The following ZEB1 variants were observed in gnomAD, a reference collection of about 807,000 sequenced individuals.
ZEB1 encodes the protein zinc finger E-box-binding homeobox 1.
ZEB1 carries 21 observed loss-of-function variants against 84.9 expected under a neutral mutation model. That is an observed-to-expected ratio of 0.25 (90% CI 0.18 to 0.36). ZEB1 has a LOEUF of 0.36. Ranked by LOEUF, ZEB1 falls within the 10% of genes least tolerant of loss-of-function variation. The pLI, the probability that ZEB1 is intolerant of heterozygous loss-of-function variation, is 1.00. For synonymous variants in ZEB1, 420 were observed against 471.1 expected (o/e 0.89, Z 1.41); for missense variants, 1,104 against 1,330.2 (o/e 0.83, Z 2.65).
chr10:31,373,356 A>T (rs551874753), intron 1 of ZEB1, among the ~76,000 whole-genome samples: 99 of 152,076 alleles, frequency 6.5e-4, no homozygotes, highest in African/African-American at 2.1e-3. Context: ...TTTATAGATA[A>T]GAGATTTTAC....
chr10:31,416,668 A>C (rs1467884538), intron 1 of ZEB1, among the ~76,000 whole-genome samples: 1 of 152,148 alleles, frequency 6.6e-6, no homozygotes. Context: ...ATTACAATGT[A>C]CCTAAGTCCT....
intron 4 of ZEB1, among the ~76,000 whole-genome samples, chr10:31,507,967 A>G (rs2069267957): frequency 6.6e-6 from 1 of 151,438 alleles, no homozygotes; most frequent in Non-Finnish European, 1.5e-5. Flanking sequence ...GGTTTTTTGG[A>G]TTTGCTTTCA....
At chr10:31,519,787 A>G (rs2071913704) in intron 6 of ZEB1, among the ~76,000 whole-genome samples, 1 of 152,182 alleles carries the variant, frequency 6.6e-6, no homozygotes, top group Non-Finnish European at 1.5e-5. Flanking sequence ...GGTCGGTGAA[A>G]TGGGATAAGA....
chr10:31,327,319 C>T (rs757723545), intron 1 of ZEB1, among the ~76,000 whole-genome samples: 1 of 151,982 alleles, frequency 6.6e-6, no homozygotes, highest in Non-Finnish European at 1.5e-5. Context: ...CCATGTTAGC[C>T]AGGCTGGTCT....
chr10:31,511,339 C>T (rs1221773755), intron 5 of ZEB1, among the ~76,000 whole-genome samples: 1 of 151,904 alleles, frequency 6.6e-6, no homozygotes, highest in Non-Finnish European at 1.5e-5. Flanking sequence ...GGTTTTTTTC[C>T]CCCGTAGTAA....
chr10:31,525,770 C>T (rs577844708), intron 8 of ZEB1, among the ~76,000 whole-genome samples: 1 of 152,308 alleles, frequency 6.6e-6, no homozygotes, highest in East Asian at 1.9e-4. Flanking sequence ...AAACTGGTTA[C>T]ATAAGAGAAA....
upstream of ZEB1, chr10:31,319,138 G>C (rs773657887): frequency 2.4e-6 from 2 of 821,606 alleles, no homozygotes; most frequent in East Asian, 2.9e-5. Context: ...AACCAGGTGC[G>C]GTGGGGAGGG....
chr10:31,444,667 G>C (rs1403676983), intron 1 of ZEB1, among the ~76,000 whole-genome samples: 2 of 152,036 alleles, frequency 1.3e-5, no homozygotes, highest in Non-Finnish European at 2.9e-5. Context: ...TTGTTAAATA[G>C]GGAATCCTTT....
chr10:31,319,185 G>T, upstream of ZEB1: 2 of 1,330,752 alleles, frequency 1.5e-6, no homozygotes, highest in South Asian at 1.2e-5. Flanking sequence ...GGGGAAGGGG[G>T]AGGGAGGGGG....
At chr10:31,366,260 A>G (rs757709636) in intron 1 of ZEB1, among the ~76,000 whole-genome samples, 1 of 152,194 alleles carries the variant, frequency 6.6e-6, no homozygotes, top group Non-Finnish European at 1.5e-5. Flanking sequence ...AACAGACATA[A>G]TACTTAAATC....
At chr10:31,376,508 A>G (rs1416270995) in intron 1 of ZEB1, among the ~76,000 whole-genome samples, 1 of 151,770 alleles carries the variant, frequency 6.6e-6, no homozygotes, top group African/African-American at 2.4e-5. Context: ...CATGCATATT[A>G]TATACATTAT....
intron 1 of ZEB1, among the ~76,000 whole-genome samples, chr10:31,427,719 C>CGT (rs894078869): frequency 2.6e-5 from 4 of 151,928 alleles, no homozygotes; most frequent in Admixed American, 2.6e-4. Flanking sequence ...ATTAGCCGGG[C>CGT]GTGGTGGCGG....
At chr10:31,377,060 A>G (rs2134657255) in intron 1 of ZEB1, among the ~76,000 whole-genome samples, 1 of 149,342 alleles carries the variant, frequency 6.7e-6, no homozygotes, top group Admixed American at 6.7e-5. Flanking sequence ...TAGAGATGCC[A>G]TCTAGAGATA....
At position 31,497,394 on chromosome 10, in the gene ZEB1, G is replaced by T. The variant is rs558367233; in HGVS notation, c.322+1556G>T. ...TCCTCAAAAAAGTTGCATCTGGAAG[G>T]CAGGGTAACCTTCTCAAATTTGTGT... On this transcript the variant is annotated intron_variant, in intron 3 of 8. Coordinates refer to ENST00000424869, the MANE Select transcript of ZEB1 (RefSeq NM_001174096.2). 5.3e-5 allele frequency among the ~76,000 whole-genome samples: 8 copies of T among 152,192 alleles called. No homozygotes were observed. In the South Asian group the frequency reaches 1.5e-3, roughly 28 times the overall value.
At chr10:31,401,314 A>G (rs2051949778) in intron 1 of ZEB1, among the ~76,000 whole-genome samples, 1 of 152,190 alleles carries the variant, frequency 6.6e-6, no homozygotes, top group African/African-American at 2.4e-5. Context: ...TACAAGTGAC[A>G]CTTTTTACCT....
chr10:31,426,848 C>G (rs187638939), intron 1 of ZEB1, among the ~76,000 whole-genome samples: 1 of 152,228 alleles, frequency 6.6e-6, no homozygotes, highest in African/African-American at 2.4e-5. Context: ...TCCCATTGAT[C>G]TGGATCAGAG....
chr10:31,321,337 A>G (rs189307004), intron 1 of ZEB1: 44 of 1,455,996 alleles, frequency 3.0e-5, no homozygotes, highest in African/African-American at 2.8e-4. Context: ...TAATTATTCA[A>G]ATAAACACTT....
At chr10:31,402,411 G>T (rs1238103508) in intron 1 of ZEB1, among the ~76,000 whole-genome samples, 3 of 152,082 alleles carry the variant, frequency 2.0e-5, no homozygotes, top group Non-Finnish European at 4.4e-5. Flanking sequence ...AAGAAGAGCT[G>T]TATGAGTGGG....
intron 1 of ZEB1, among the ~76,000 whole-genome samples, chr10:31,443,388 A>G (rs1290875303): frequency 1.3e-5 from 2 of 151,500 alleles, no homozygotes; most frequent in Admixed American, 1.3e-4. Context: ...CCAGGTTTGT[A>G]AAAGGATTTG....
Sources: gnomAD v4.1 joint callset for allele counts (sites outside exome capture counted in the v4.1 genomes callset) on GRCh38, gnomAD v4.1.1 for gene constraint, MANE v1.5 for transcripts, NCBI Gene and HGNC (gene_info 2026-07-23, HGNC 2026-07-21) for gene names.